CACNA2D1: variants seen among roughly 807,000 people sequenced by gnomAD.
The protein encoded by CACNA2D1 is voltage-dependent calcium channel subunit alpha-2/delta-1.
In CACNA2D1, 53 loss-of-function variants were observed where a neutral mutation model predicts 171.5. The observed-to-expected ratio is 0.31, with a 90% CI of 0.25 to 0.39. The LOEUF (loss-of-function observed/expected upper bound fraction) is 0.39. Among genes scored for constraint, CACNA2D1 ranks in the 10% least tolerant of loss-of-function variants. The pLI, the probability that CACNA2D1 is intolerant of heterozygous loss-of-function variation, is 1.00. For missense variants in CACNA2D1, 903 were observed against 1,299.8 expected (o/e 0.69, Z 4.69); for synonymous variants, 442 against 443.1 (o/e 1.00, Z 0.03).
At chr7:82,072,864 A>T (rs1323809636) in intron 7 of CACNA2D1, among the ~76,000 whole-genome samples, 2 of 152,090 alleles carry the variant, frequency 1.3e-5, no homozygotes, top group African/African-American at 4.8e-5. Context: ...TTACACATAA[A>T]CACTTAGAAC....
chr7:82,073,092 A>T (rs1275929003), intron 7 of CACNA2D1, among the ~76,000 whole-genome samples: 1 of 152,160 alleles, frequency 6.6e-6, no homozygotes, highest in Non-Finnish European at 1.5e-5. Context: ...ACAGTCAATA[A>T]AACTTTCTAG....
intron 3 of CACNA2D1, among the ~76,000 whole-genome samples, chr7:82,199,173 G>T (rs1261212080): frequency 6.6e-6 from 1 of 151,882 alleles, no homozygotes; most frequent in East Asian, 1.9e-4. Context: ...GCTTTCACTG[G>T]CCTGTATTTA....
intron 1 of CACNA2D1, among the ~76,000 whole-genome samples, chr7:82,411,054 G>A (rs1259420003): frequency 6.6e-6 from 1 of 152,156 alleles, no homozygotes; most frequent in Admixed American, 6.5e-5. Flanking sequence ...TTTGAGAGAA[G>A]CAAGAGTTTT....
In CACNA2D1 at chr7:82,189,634, T is replaced by C. The variant is rs552032339; in HGVS notation, c.295-19025A>G. 5.9e-5 allele frequency among the ~76,000 whole-genome samples: 9 copies of C among 152,020 alleles called. No homozygotes were observed. In the East Asian group the frequency reaches 1.2e-3, roughly 20 times the overall value. ...AGAAGAATTATTTTAAAATAAGAGA[T>C]ACCAACTGAATATGGCAAGTCTGAG... On this transcript the variant is annotated intron_variant, in intron 3 of 38. Coordinates refer to ENST00000356860, the MANE Select transcript of CACNA2D1 (RefSeq NM_000722.4).
At chr7:81,984,489 A>G (rs1796756508) in intron 22 of CACNA2D1, 146 bp downstream of exon 22, 4 of 669,606 alleles carry the variant, frequency 6.0e-6, no homozygotes, top group Non-Finnish European at 1.1e-5. Flanking sequence ...CATGTTTGGA[A>G]TGGGTTAGAA....
intron 3 of CACNA2D1, among the ~76,000 whole-genome samples, chr7:82,237,090 GGTACTTATTTAAAGT>G (rs1169792147): frequency 6.6e-6 from 1 of 151,406 alleles, no homozygotes; most frequent in East Asian, 1.9e-4. Flanking sequence ...TCTATAACCT[GGTACTTATTTAAAGT>G]GTCTTTTTTA....
intron 10 of CACNA2D1, among the ~76,000 whole-genome samples, chr7:82,043,098 A>G (rs897339697): frequency 2.0e-5 from 3 of 152,228 alleles, no homozygotes; most frequent in Admixed American, 6.5e-5. Flanking sequence ...AGAAGCCAGT[A>G]TAAAATGTTG....
At chr7:82,335,104 A>T in intron 3 of CACNA2D1, 31 bp downstream of exon 3, 3 of 1,318,238 alleles carry the variant, frequency 2.3e-6, no homozygotes, top group Non-Finnish European at 3.3e-6. Flanking sequence ...TAAGGAAAAT[A>T]ATAAAATGAG....
At chr7:82,355,035 C>A (rs1395321299) in intron 1 of CACNA2D1, among the ~76,000 whole-genome samples, 2 of 152,016 alleles carry the variant, frequency 1.3e-5, no homozygotes, top group Non-Finnish European at 2.9e-5. Flanking sequence ...TACCATATTA[C>A]CAGATTTCAA....
chr7:82,289,571 T>C (rs1372644155), intron 3 of CACNA2D1, among the ~76,000 whole-genome samples: 3 of 152,224 alleles, frequency 2.0e-5, no homozygotes, highest in Admixed American at 1.3e-4. Context: ...TAAAGGTCTT[T>C]CATTAAAAAA....
At chr7:82,134,744 A>AT (rs1331351848) in intron 5 of CACNA2D1, among the ~76,000 whole-genome samples, 8 of 152,068 alleles carry the variant, frequency 5.3e-5, no homozygotes, top group Non-Finnish European at 1.2e-4. Flanking sequence ...TCACTTACAC[A>AT]TTTTTTTCTC....
At chr7:81,995,364 CTT>C (rs879687298) in intron 19 of CACNA2D1, among the ~76,000 whole-genome samples, 4 of 152,056 alleles carry the variant, frequency 2.6e-5, no homozygotes, top group Non-Finnish European at 5.9e-5. Flanking sequence ...TAAGAGGACT[CTT>C]TACACTTTTT....
intron 5 of CACNA2D1, among the ~76,000 whole-genome samples, chr7:82,126,800 C>T (rs62465777): frequency 0.17 from 25,874 of 152,042 alleles, 2,548 homozygotes; most frequent in East Asian, 0.34. Flanking sequence ...CTATATAAAC[C>T]TCCAATTTTA....
At chr7:82,382,300 C>A (rs10247838) in intron 1 of CACNA2D1, among the ~76,000 whole-genome samples, 2 of 152,166 alleles carry the variant, frequency 1.3e-5, no homozygotes. Flanking sequence ...ACAGAAGCAA[C>A]TAGTCCTTCC....
At position 81,950,206 on chromosome 7, in the gene CACNA2D1, G is replaced by T. The variant is rs1792358815; in HGVS notation, c.*186C>A. ...GATGCAGCATTCACACACGTTTAAG[G>T]ATCTGACACCCTGACATGCAGCCAG... On this transcript the variant is annotated 3_prime_UTR_variant, in exon 39 of 39. Coordinates refer to ENST00000356860, the MANE Select transcript of CACNA2D1 (RefSeq NM_000722.4). 3 of 975,370 alleles carry T rather than the reference G, an allele frequency of 3.1e-6. No homozygotes were observed. The allele number at this position is 975,370 out of a possible 1,614,324, so 60.4% of individuals were successfully genotyped here.
At position 82,347,117 on chromosome 7, in the gene CACNA2D1, T is replaced by C. The variant is rs7782349; in HGVS notation, c.177+2451A>G. 4.0e-3 allele frequency among the ~76,000 whole-genome samples: 612 copies of C among 152,246 alleles called. 7 individuals are homozygous for C. Among genetic ancestry groups the C allele is most frequent in the African/African-American group, 0.014 (565 of 41,560 alleles). On this transcript the variant is annotated intron_variant, in intron 2 of 38. Coordinates refer to ENST00000356860, the MANE Select transcript of CACNA2D1 (RefSeq NM_000722.4). The stretch of plus-strand genomic sequence containing the variant: ...AATAGTCCTAAACAAACCTATTCAC[T>C]CTTGATCTTTAACAGAAGACAGGCA...
intron 4 of CACNA2D1, among the ~76,000 whole-genome samples, chr7:82,151,831 GAATC>G: frequency 6.6e-6 from 1 of 152,142 alleles, no homozygotes; most frequent in Middle Eastern, 3.4e-3. Flanking sequence ...TACATTTAAA[GAATC>G]AAGCAATTTC....
intron 38 of CACNA2D1, among the ~76,000 whole-genome samples, chr7:81,952,698 G>A (rs1459084028): frequency 6.6e-6 from 1 of 151,938 alleles, no homozygotes; most frequent in African/African-American, 2.4e-5. Flanking sequence ...GACTTTTCCA[G>A]GTGTTACTTC....
At chr7:81,991,054 G>A in intron 21 of CACNA2D1, 131 bp downstream of exon 21, 1 of 566,464 alleles carries the variant, frequency 1.8e-6, no homozygotes, top group Non-Finnish European at 3.2e-6. Flanking sequence ...TTAAAAATTA[G>A]TCTATAAGTT....
Sources: gnomAD v4.1 joint callset for allele counts (sites outside exome capture counted in the v4.1 genomes callset) on GRCh38, gnomAD v4.1.1 for gene constraint, MANE v1.5 for transcripts, NCBI Gene and HGNC (gene_info 2026-07-23, HGNC 2026-07-21) for gene names.